DNAH5: variants seen among roughly 807,000 people sequenced by gnomAD.
The protein encoded by DNAH5 is axonemal beta dynein heavy chain 5.
In DNAH5, 372 loss-of-function variants were observed where a neutral mutation model predicts 518.2. That is an observed-to-expected ratio of 0.72 (90% CI 0.66 to 0.78). The LOEUF (loss-of-function observed/expected upper bound fraction) is 0.78. Ranked by LOEUF, DNAH5 falls within the 30% of genes least tolerant of loss-of-function variation. The probability of loss-of-function intolerance (pLI) is 0.00; values close to 1 mark genes in which losing one functional copy is unlikely to be tolerated. For synonymous variants in DNAH5, 2,039 were observed against 2,025.9 expected (o/e 1.01, Z -0.17); for missense variants, 5,523 against 5,687.0 (o/e 0.97, Z 0.93).
intron 27 of DNAH5, 32 bp from the exon 28 acceptor site, chr5:13,864,669 G>A: frequency 6.2e-7 from 1 of 1,613,552 alleles, no homozygotes; most frequent in Non-Finnish European, 8.5e-7. Context: ...AAAGGCCATT[G>A]AAATATGATG....
At position 13,771,111 on chromosome 5, in the gene DNAH5, T is replaced by C. The variant is rs542749164; in HGVS notation, c.9374-131A>G. 4.0e-4 allele frequency: 311 copies of C among 774,580 alleles called. 2 individuals are homozygous for C. In the African/African-American group the frequency reaches 5.0e-3, roughly 12 times the overall value. 48.0% of individuals were successfully genotyped at this position (774,580 alleles called of 1,614,324 possible). Reference sequence around the variant, plus strand: ...ATTTTTGTAGCCCCAGCTAGGTAGATCTGTGTCAGCATTTTTGGCCCCAGG... The same window carrying C: ...ATTTTTGTAGCCCCAGCTAGGTAGACCTGTGTCAGCATTTTTGGCCCCAGG... On this transcript the variant is annotated intron_variant, in intron 55 of 78. Coordinates refer to ENST00000265104, the MANE Select transcript of DNAH5 (RefSeq NM_001369.3).
intron 47 of DNAH5, among the ~76,000 whole-genome samples, chr5:13,798,876 C>T (rs1758276762): frequency 6.6e-6 from 1 of 151,740 alleles, no homozygotes. Context: ...AAGCGATTCT[C>T]CTGCCTCAGC....
chr5:13,873,935 T>A (rs1166499820), intron 22 of DNAH5, among the ~76,000 whole-genome samples: 1 of 152,340 alleles, frequency 6.6e-6, no homozygotes, highest in African/African-American at 2.4e-5. Flanking sequence ...TTATCTGAAA[T>A]AACTGAGCAT....
chr5:13,974,889 C>T (rs535783655), intron 1 of DNAH5, among the ~76,000 whole-genome samples: 11 of 152,254 alleles, frequency 7.2e-5, no homozygotes, highest in South Asian at 2.1e-4. Flanking sequence ...AAGCTGGTAT[C>T]GGTGGCCAGG....
intron 47 of DNAH5, among the ~76,000 whole-genome samples, chr5:13,797,113 G>A (rs931515943): frequency 6.6e-6 from 1 of 152,272 alleles, no homozygotes; most frequent in Non-Finnish European, 1.5e-5. Context: ...GGAAAACTTA[G>A]GCAATACCAT....
At chr5:13,862,412 C>T in intron 29 of DNAH5, 136 bp downstream of exon 29, 1 of 810,360 alleles carries the variant, frequency 1.2e-6, no homozygotes, top group South Asian at 1.7e-5. Flanking sequence ...ATTAATTAAT[C>T]AATGTAATTA....
At chr5:13,928,938 T>C (rs1016466397) in intron 2 of DNAH5, among the ~76,000 whole-genome samples, 4 of 152,068 alleles carry the variant, frequency 2.6e-5, no homozygotes, top group Non-Finnish European at 4.4e-5. Flanking sequence ...GTATGAAGGC[T>C]CCTTAAAAAA....
intron 52 of DNAH5, 83 bp from the exon 53 acceptor site, chr5:13,781,042 C>T (rs1045741820): frequency 3.0e-5 from 44 of 1,444,602 alleles, no homozygotes; most frequent in African/African-American, 4.3e-5. Context: ...ATGAATAAGG[C>T]CTAATTATTA....
In DNAH5 at chr5:13,920,567, A is replaced by T. The variant is rs1472562272; in HGVS notation, c.711T>A (p.Pro237=). 2 of 1,614,150 alleles carry T rather than the reference A, an allele frequency of 1.2e-6. No individual in the cohort carries two copies. Among genetic ancestry groups the T allele is most frequent in the South Asian group, 2.2e-5 (2 of 91,080 alleles). Residue 237 remains proline (P), a synonymous_variant, in exon 6 of 79, where the codon CCT becomes CCA. Transcript: ENST00000265104. ...TATTTGCTAGAGTCAAGTAGTCCGT[A>T]GGTTCCTTTAGGGTTTTCAGTTCAA... ...DILELKTLKE[P]TDYLTLANNP... is the part of the protein sequence containing the mutation.
chr5:13,890,144 C>T (rs376365885), intron 17 of DNAH5, among the ~76,000 whole-genome samples: 1 of 152,148 alleles, frequency 6.6e-6, no homozygotes, highest in African/African-American at 2.4e-5. Flanking sequence ...CAGTGGCTCA[C>T]GCCTGTAATC....
At chr5:13,829,954 T>A in intron 37 of DNAH5, 72 bp downstream of exon 37, 1 of 1,402,194 alleles carries the variant, frequency 7.1e-7, no homozygotes, top group Non-Finnish European at 1.0e-6. Flanking sequence ...ACAGATGACA[T>A]ATGACCAGGG....
At chr5:13,876,149 GA>G (rs1375949082) in intron 22 of DNAH5, among the ~76,000 whole-genome samples, 1 of 152,164 alleles carries the variant, frequency 6.6e-6, no homozygotes. Flanking sequence ...GGAGTATGCT[GA>G]AAGAAAAAAT....
chr5:13,692,024 C>T lies in DNAH5; in HGVS notation c.13835G>A (p.Trp4612Ter). Residue 4612 changes from tryptophan (W) to a stop codon, truncating the protein, a stop_gained, in exon 79 of 79, where the codon TGG (tryptophan) becomes TAG (stop). Transcript: ENST00000265104. LOFTEE classifies it high-confidence loss of function. Reference sequence around the variant, plus strand: ...CAGAAGGGCAACCCCACGGAGCACCCAGTGTTCAGGGGTCTGGGCTGTCCT... The same window carrying T: ...CAGAAGGGCAACCCCACGGAGCACCTAGTGTTCAGGGGTCTGGGCTGTCCT... ...DLRTAQTPEH[W>*]VLRGVALLCD... 1 of 1,614,096 alleles carries T rather than the reference C, an allele frequency of 6.2e-7. No homozygotes were observed. Among genetic ancestry groups the T allele is most frequent in the Non-Finnish European group, 8.5e-7 (1 of 1,180,004 alleles).
At chr5:13,943,705 G>C (rs895355854) in intron 1 of DNAH5, among the ~76,000 whole-genome samples, 2 of 152,140 alleles carry the variant, frequency 1.3e-5, no homozygotes, top group African/African-American at 4.8e-5. Context: ...GGCTAGGGGG[G>C]ATCATGTGAG....
intron 55 of DNAH5, among the ~76,000 whole-genome samples, chr5:13,773,230 C>T (rs141723396): frequency 2.1e-4 from 32 of 151,992 alleles, no homozygotes; most frequent in East Asian, 5.8e-4. Context: ...AGATTTAAAA[C>T]GATTTAAATG....
chr5:13,749,190 T>C (rs1445322294), intron 65 of DNAH5, among the ~76,000 whole-genome samples: 2 of 152,052 alleles, frequency 1.3e-5, no homozygotes, highest in African/African-American at 4.8e-5. Context: ...TAAATAAAGG[T>C]TAGGCGTTAT....
intron 76 of DNAH5, among the ~76,000 whole-genome samples, chr5:13,706,542 G>A (rs980484073): frequency 1.3e-5 from 2 of 152,100 alleles, no homozygotes; most frequent in African/African-American, 4.8e-5. Context: ...ATTAATCTTA[G>A]CAAGTTCACT....
chr5:13,885,343 C>CAAGTTTAGTATCTAA, intron 18 of DNAH5, 115 bp from the exon 19 acceptor site: 1 of 1,321,708 alleles, frequency 7.6e-7, no homozygotes, highest in Non-Finnish European at 1.1e-6. Flanking sequence ...GGATAAATTA[C>CAAGTTTAGTATCTAA]ATGCAAGTTT....
chr5:13,924,022 G>A (rs1184386468), intron 3 of DNAH5, among the ~76,000 whole-genome samples: 4 of 152,028 alleles, frequency 2.6e-5, no homozygotes, highest in African/African-American at 9.7e-5. Flanking sequence ...CTTCAGCCTG[G>A]GCAACAGAGC....
Sources: allele counts gnomAD v4.1 joint callset (sites outside exome capture counted in the v4.1 genomes callset), GRCh38; gene constraint gnomAD v4.1.1; transcripts MANE v1.5; gene names NCBI Gene and HGNC (gene_info 2026-07-23, HGNC 2026-07-21).